PUM2: variants seen among roughly 807,000 people sequenced by gnomAD.
PUM2 encodes pumilio RNA binding family member 2, also known as pumilio homolog 2.
A neutral mutation model predicts 124.5 loss-of-function variants in PUM2; 57 were observed. The observed-to-expected ratio is 0.46, with a 90% CI of 0.37 to 0.57. The LOEUF (loss-of-function observed/expected upper bound fraction) is 0.57, where lower values mean the gene tolerates loss of function less well. Ranked by LOEUF, PUM2 falls within the 20% of genes least tolerant of loss-of-function variation. PUM2 has a pLI of 0.00. For synonymous variants in PUM2, 460 were observed against 446.1 expected (o/e 1.03, Z -0.39); for missense variants, 1,065 against 1,290.6 (o/e 0.83, Z 2.68).
chr2:20,285,508 G>A (rs1410216297), intron 10 of PUM2, among the ~76,000 whole-genome samples: 1 of 152,102 alleles, frequency 6.6e-6, no homozygotes, highest in Non-Finnish European at 1.5e-5. Context: ...GGGAAAAATG[G>A]GGGTTCAAAC....
intron 8 of PUM2, among the ~76,000 whole-genome samples, chr2:20,295,712 T>TA (rs1313695665): frequency 5.9e-5 from 9 of 152,224 alleles, no homozygotes; most frequent in African/African-American, 2.2e-4. Flanking sequence ...ACTCTATTCA[T>TA]AACATCTACC....
intron 9 of PUM2, 105 bp downstream of exon 9, chr2:20,294,271 G>A (rs1674954459): frequency 7.6e-7 from 1 of 1,319,232 alleles, no homozygotes; most frequent in Non-Finnish European, 1.0e-6. Context: ...CAGGAGTCGT[G>A]TTACACAGTG....
intron 15 of PUM2, 49 bp downstream of exon 15, chr2:20,260,288 G>C: frequency 6.5e-7 from 1 of 1,531,970 alleles, no homozygotes. Flanking sequence ...TTAGCATCAA[G>C]TATACAACAG....
At chr2:20,294,636 T>C (rs144552125) in intron 8 of PUM2, 118 bp from the exon 9 acceptor site, 1 of 1,172,054 alleles carries the variant, frequency 8.5e-7, no homozygotes, top group East Asian at 2.6e-5. Flanking sequence ...GAAGAACATG[T>C]CTTTATAATA....
chr2:20,335,618 G>A (rs1295426784), intron 1 of PUM2, among the ~76,000 whole-genome samples: 4 of 152,124 alleles, frequency 2.6e-5, no homozygotes, highest in African/African-American at 4.8e-5. Context: ...ATACTTTCAT[G>A]GGGGAGTTAC....
rs765200901 is a variant in PUM2, at chr2:20,297,617, A to G, written c.945T>C (p.Ser315=). ...AAFVPNPYII[S]AAPPGTDPYT... Reference sequence around the variant, plus strand: ...ACGGATCGGTCCCTGGAGGAGCAGCACTAATAATGTATGGATTTGGCACAA... The same window carrying G: ...ACGGATCGGTCCCTGGAGGAGCAGCGCTAATAATGTATGGATTTGGCACAA... Residue 315 remains serine, a synonymous_variant, in exon 8 of 21, where the codon AGT becomes AGC. Transcript: ENST00000361078. 1.2e-6 allele frequency: 2 copies of G among 1,613,334 alleles called. No homozygotes were observed. Among genetic ancestry groups the G allele is most frequent in the African/African-American group, 1.3e-5 (1 of 75,050 alleles).
intron 15 of PUM2, 61 bp downstream of exon 15, chr2:20,260,276 T>C: frequency 6.9e-7 from 1 of 1,445,288 alleles, no homozygotes; most frequent in Middle Eastern, 2.0e-4. Context: ...TCAGAGCTTT[T>C]CTTAGCATCA....
At chr2:20,269,000 C>A (rs1030815273) in intron 13 of PUM2, among the ~76,000 whole-genome samples, 13 of 151,984 alleles carry the variant, frequency 8.6e-5, no homozygotes, top group African/African-American at 3.1e-4. Context: ...CTTAGAGAAT[C>A]TAAATAACTT....
intron 8 of PUM2, among the ~76,000 whole-genome samples, chr2:20,296,266 C>A (rs942699979): frequency 6.6e-6 from 1 of 152,166 alleles, no homozygotes. Flanking sequence ...GAGGCCGAGG[C>A]AGGCGGATCA....
At chr2:20,323,117 T>C (rs903794889) in intron 2 of PUM2, among the ~76,000 whole-genome samples, 4 of 152,238 alleles carry the variant, frequency 2.6e-5, no homozygotes, top group Admixed American at 6.5e-5. Context: ...TAATTAACCT[T>C]TTCTGCGCTT....
chr2:20,327,848 T>A (rs1684036107), intron 1 of PUM2, among the ~76,000 whole-genome samples: 1 of 152,016 alleles, frequency 6.6e-6, no homozygotes, highest in Non-Finnish European at 1.5e-5. Context: ...TGCTGGAAAG[T>A]AAGAAAGGGA....
chr2:20,251,291 G>T lies in PUM2; in HGVS notation c.*294C>A. The T allele has an allele frequency of 1.4e-5, 3 of 214,930 alleles. No individual in the cohort carries two copies. Among genetic ancestry groups the T allele is most frequent in the Non-Finnish European group, 2.8e-5 (3 of 108,430 alleles). The allele number at this position is 214,930 out of a possible 1,614,324, so 13.3% of individuals were successfully genotyped here. A position where few individuals can be genotyped will look rare whatever the true frequency, so the allele number is the denominator to read the frequency against. The stretch of plus-strand genomic sequence containing the variant: ...TACAAGGTAAAAATTTACAAAATAT[G>T]TGACAGCTTTTTATTTTTGATACAG... On this transcript the variant is annotated 3_prime_UTR_variant, in exon 21 of 21. Coordinates refer to ENST00000361078, the MANE Select transcript of PUM2 (RefSeq NM_015317.5).
rs939040871 is a variant in PUM2 at position 20,275,143 on chromosome 2, A to C, written c.1957+3440T>G. Among the ~76,000 whole-genome samples the C allele has an allele frequency of 2.6e-5, 4 of 151,782 alleles. No homozygotes were observed. In the East Asian group the frequency reaches 7.7e-4, roughly 29 times the overall value. On this transcript the variant is annotated intron_variant, in intron 13 of 20. Coordinates refer to ENST00000361078, the MANE Select transcript of PUM2 (RefSeq NM_015317.5). ...TTCAGGGTATAAACTATTAATCCTA[A>C]AATCATTCTCTCTCCAAGTTGTTGT...
At chr2:20,255,882 G>A (rs1180237598) in intron 17 of PUM2, 151 bp downstream of exon 17, 7 of 761,734 alleles carry the variant, frequency 9.2e-6, no homozygotes, top group African/African-American at 3.7e-5. Flanking sequence ...GACTATGAAA[G>A]AGGAAGAAAT....
At position 20,251,300 on chromosome 2, in the gene PUM2, T is replaced by C. The variant is rs949993456; in HGVS notation, c.*285A>G. ...AAAATTTACAAAATATGTGACAGCT[T>C]TTTATTTTTGATACAGTTACATCAT... On this transcript the variant is annotated 3_prime_UTR_variant, in exon 21 of 21. Transcript: ENST00000361078. The C allele has an allele frequency of 8.4e-5, 19 of 226,068 alleles. No individual in the cohort carries two copies. Among genetic ancestry groups the C allele is most frequent in the Non-Finnish European group, 1.3e-4 (15 of 116,130 alleles). 14.0% of individuals were successfully genotyped at this position (226,068 alleles called of 1,614,324 possible).
chr2:20,332,382 A>T (rs1476183385), intron 1 of PUM2, among the ~76,000 whole-genome samples: 1 of 150,832 alleles, frequency 6.6e-6, no homozygotes, highest in East Asian at 1.9e-4. Flanking sequence ...ATCTTTCAAT[A>T]ATCAGGGTAG....
chr2:20,256,878 A>G (rs2148452722), intron 16 of PUM2, among the ~76,000 whole-genome samples: 1 of 151,842 alleles, frequency 6.6e-6, no homozygotes, highest in Admixed American at 6.6e-5. Context: ...TCCGATTACT[A>G]CCAAAAATAC....
At position 20,278,570 on chromosome 2, in the gene PUM2, G is replaced by GT. The variant is rs35439873; in HGVS notation, c.1957+12dup. 7,663 of 1,266,780 alleles carry GT rather than the reference G, an allele frequency of 6.0e-3. No homozygotes were observed. Among genetic ancestry groups the GT allele is most frequent in the South Asian group, 7.3e-3 (495 of 67,772 alleles). 78.5% of individuals were successfully genotyped at this position (1,266,780 alleles called of 1,614,324 possible). A position where few individuals can be genotyped will look rare whatever the true frequency, so the allele number is the denominator to read the frequency against. On this transcript the variant is annotated intron_variant, in intron 13 of 20. Transcript: ENST00000361078. ...ATACATACAAATAAAAAGGGTTTTG[G>GT]TTTTTTTTTTACCTAAATGCAAACT...
intron 12 of PUM2, among the ~76,000 whole-genome samples, chr2:20,280,733 G>A (rs1172486917): frequency 6.6e-6 from 1 of 152,090 alleles, no homozygotes; most frequent in African/African-American, 2.4e-5. Context: ...CCAACAGTAT[G>A]ACTATGAGAT....
Sources: allele counts gnomAD v4.1 joint callset (sites outside exome capture counted in the v4.1 genomes callset), GRCh38; gene constraint gnomAD v4.1.1; transcripts MANE v1.5; gene names NCBI Gene and HGNC (gene_info 2026-07-23, HGNC 2026-07-21).